VIP: variants seen among roughly 807,000 people sequenced by gnomAD.
The protein encoded by VIP is VIP peptides.
VIP carries 18 observed loss-of-function variants against 20.1 expected under a neutral mutation model. The observed-to-expected ratio is 0.90, with a 90% CI of 0.62 to 1.33. The LOEUF is 1.33. VIP is among the 40% of genes most tolerant of loss of function. VIP has a pLI of 0.00. For missense variants in VIP, 209 were observed against 199.4 expected (o/e 1.05, Z -0.29); for synonymous variants, 70 against 68.1 (o/e 1.03, Z -0.14).
intron 2 of VIP, among the ~76,000 whole-genome samples, chr6:152,753,075 G>T (rs2099729896): frequency 6.6e-6 from 1 of 152,036 alleles, no homozygotes; most frequent in Non-Finnish European, 1.5e-5. Flanking sequence ...GGTCATTCTT[G>T]ATTTTTTGCT....
In VIP at chr6:152,750,957, G is replaced by C. The variant is rs184206800; in HGVS notation, c.-13G>C. 8.7e-4 allele frequency: 133 copies of C among 152,252 alleles called. No homozygotes were observed. Among genetic ancestry groups the C allele is most frequent in the African/African-American group, 3.0e-3 (126 of 41,546 alleles). The allele number at this position is 152,252 out of a possible 1,614,324, so 9.4% of individuals were successfully genotyped here. ...CAGCTCCGGGGGAGCACGACTGGGCGAGGTAAGTGAAAACTTTACCTTTCC... is the reference window on the plus strand; with the variant it reads ...CAGCTCCGGGGGAGCACGACTGGGCCAGGTAAGTGAAAACTTTACCTTTCC... On this transcript the variant is annotated splice_region_variant and 5_prime_UTR_variant, in exon 1 of 7. Coordinates refer to ENST00000367244, the MANE Select transcript of VIP (RefSeq NM_003381.4).
chr6:152,756,190 C>G lies in VIP; in HGVS notation c.392C>G (p.Thr131Ser). Reference sequence around the variant, plus strand: ...AAACGTCACTCAGATGCAGTCTTCACTGACAACTATACCCGCCTTAGAAAA... The same window carrying G: ...AAACGTCACTCAGATGCAGTCTTCAGTGACAACTATACCCGCCTTAGAAAA... Reference protein sequence around the residue: ...PVKRHSDAVFTDNYTRLRKQM... With the variant: ...PVKRHSDAVFSDNYTRLRKQM... Residue 131 changes from threonine to serine, a missense_variant, in exon 5 of 7, where the codon ACT (threonine) becomes AGT (serine). Thr to Ser is a moderately conservative substitution (Grantham distance 58, BLOSUM62 1). Transcript: ENST00000367244. 1 of 1,611,830 alleles carries G rather than the reference C, an allele frequency of 6.2e-7. No homozygotes were observed. The highest frequency in any genetic ancestry group is 8.5e-7 in the Non-Finnish European group (1 of 1,178,528).
At chr6:152,757,291 T>C (rs1420547935) in intron 6 of VIP, 107 bp downstream of exon 6, 8 of 674,610 alleles carry the variant, frequency 1.2e-5, no homozygotes, top group Admixed American at 5.7e-5. Context: ...TAGTTTCTCA[T>C]CATGAGACCT....
intron 3 of VIP, among the ~76,000 whole-genome samples, chr6:152,754,896 T>C (rs2099730182): frequency 6.6e-6 from 1 of 151,966 alleles, no homozygotes; most frequent in Admixed American, 6.6e-5. Context: ...GTGAATGTCT[T>C]TATTCAGTGG....
rs778816122 is a variant in VIP at position 152,752,295 on chromosome 6, T to C, written c.107+11T>C. Reference sequence around the variant, plus strand: ...ACCTTCTGCTCTCAGGTAAGTTCCCTTTCAATTCAAACATCTGAACATTCC... The same window carrying C: ...ACCTTCTGCTCTCAGGTAAGTTCCCCTTCAATTCAAACATCTGAACATTCC... On this transcript the variant is annotated intron_variant, in intron 2 of 6. Coordinates refer to ENST00000367244, the MANE Select transcript of VIP (RefSeq NM_003381.4). The C allele has an allele frequency of 6.2e-7, 1 of 1,603,900 alleles. No homozygotes were observed.
intron 4 of VIP, among the ~76,000 whole-genome samples, chr6:152,755,699 C>G (rs1446458768): frequency 6.6e-6 from 1 of 151,712 alleles, no homozygotes; most frequent in Non-Finnish European, 1.5e-5. Flanking sequence ...TAAGGTCAAA[C>G]AGAATATTCT....
intron 2 of VIP, 123 bp from the exon 3 acceptor site, chr6:152,754,043 C>T: frequency 9.3e-7 from 1 of 1,075,526 alleles, no homozygotes; most frequent in South Asian, 2.1e-5. Flanking sequence ...TTATGCTATT[C>T]TCATATTATG....
At chr6:152,758,102 C>T (rs571928267) in intron 6 of VIP, among the ~76,000 whole-genome samples, 14 of 151,986 alleles carry the variant, frequency 9.2e-5, no homozygotes, top group Non-Finnish European at 1.6e-4. Context: ...AGATGTAAAA[C>T]GAATAGGAGT....
At chr6:152,756,961 C>A (rs2099730516) in intron 5 of VIP, 135 bp from the exon 6 acceptor site, 5 of 711,030 alleles carry the variant, frequency 7.0e-6, no homozygotes, top group Non-Finnish European at 9.0e-6. Context: ...ACTAACAAAC[C>A]TCAAAGATAA....
chr6:152,754,460 T>C (rs2099730105), intron 3 of VIP, among the ~76,000 whole-genome samples, 172 bp downstream of exon 3: 1 of 152,040 alleles, frequency 6.6e-6, no homozygotes, highest in South Asian at 2.1e-4. Context: ...CTTACAGCTG[T>C]ACATAATTTT....
chr6:152,757,981 G>T (rs912442359), intron 6 of VIP, among the ~76,000 whole-genome samples: 5 of 151,890 alleles, frequency 3.3e-5, no homozygotes, highest in African/African-American at 7.2e-5. Context: ...CATATCAAAG[G>T]TTAGCAGATT....
rs2099730817 is a variant in VIP at position 152,758,953 on chromosome 6, T to A, written c.*87T>A. ...ATACGCAACATAATTAAATTTTGAG[T>A]TCTACATAAGTAATTCAAGAAAACA... On this transcript the variant is annotated 3_prime_UTR_variant, in exon 7 of 7. Transcript: ENST00000367244. 1 of 152,418 alleles carries A rather than the reference T, an allele frequency of 6.6e-6. No homozygotes were observed. Among genetic ancestry groups the A allele is most frequent in the South Asian group, 2.1e-4 (1 of 4,826 alleles). 9.4% of individuals were successfully genotyped at this position (152,418 alleles called of 1,614,324 possible). A position where few individuals can be genotyped will look rare whatever the true frequency, so the allele number is the denominator to read the frequency against.
Position 152,752,283 on chromosome 6 carries a change from A to G in VIP, c.106A>G (p.Arg36Gly). The G allele has an allele frequency of 6.2e-7, 1 of 1,611,372 alleles. No homozygotes were observed. Among genetic ancestry groups the G allele is most frequent in the Non-Finnish European group, 8.5e-7 (1 of 1,178,572 alleles). The part of the protein sequence containing the change: ...WPLYRAPSAL[R>G]LGDRIPFEGA... ...TCTTTACAGGGCACCTTCTGCTCTC[A>G]GGTAAGTTCCCTTTCAATTCAAACA... The change falls in exon 2 of 7, where the codon AGG becomes GGG. Residue 36 changes from arginine to glycine, a missense_variant and splice_region_variant. Physicochemically the swap from Arg to Gly is moderately radical, Grantham distance 125. Coordinates refer to ENST00000367244, the MANE Select transcript of VIP (RefSeq NM_003381.4).
At position 152,752,033 on chromosome 6, in the gene VIP, T is replaced by G. The variant is rs1054692346; in HGVS notation, c.-10-135T>G. On this transcript the variant is annotated intron_variant, in intron 1 of 6. Coordinates refer to ENST00000367244, the MANE Select transcript of VIP (RefSeq NM_003381.4). ...ATTTTTGAATGTATCATCTTGCAAT[T>G]TAACTCTTTCTACAAGATGAAAATT... The G allele has an allele frequency of 1.9e-5, 11 of 585,736 alleles. 1 individual carries two copies. Among genetic ancestry groups the G allele is most frequent in the Non-Finnish European group, 3.0e-5 (10 of 331,610 alleles). 36.3% of individuals were successfully genotyped at this position (585,736 alleles called of 1,614,324 possible). A position where few individuals can be genotyped will look rare whatever the true frequency, so the allele number is the denominator to read the frequency against.
intron 3 of VIP, 100 bp downstream of exon 3, chr6:152,754,388 G>T: frequency 8.5e-7 from 1 of 1,170,360 alleles, no homozygotes; most frequent in Non-Finnish European, 1.2e-6. Flanking sequence ...AAGCTATTCC[G>T]ATAGCAAAAC....
At chr6:152,752,120 C>T (rs2129074095) in intron 1 of VIP, 48 bp from the exon 2 acceptor site, 2 of 1,378,542 alleles carry the variant, frequency 1.5e-6, no homozygotes, top group Non-Finnish European at 2.1e-6. Flanking sequence ...AATTACCTTG[C>T]TGGTGACATC....
intron 6 of VIP, among the ~76,000 whole-genome samples, chr6:152,758,387 C>CT (rs1353932886): frequency 9.2e-5 from 14 of 151,956 alleles, no homozygotes; most frequent in African/African-American, 3.4e-4. Context: ...CACATCAACT[C>CT]TTTATCTTTT....
chr6:152,754,439 T>A (rs577789624), intron 3 of VIP, 151 bp downstream of exon 3: 2 of 719,188 alleles, frequency 2.8e-6, no homozygotes, highest in South Asian at 2.6e-5. Context: ...TCATCCTGAT[T>A]TACTGCAGAT....
chr6:152,757,989 A>G (rs7762429), intron 6 of VIP, among the ~76,000 whole-genome samples: 4,239 of 152,056 alleles, frequency 0.028, 214 homozygotes, highest in African/African-American at 0.098. Context: ...AGGTTAGCAG[A>G]TTTTAAAGGG....
Sources: gnomAD v4.1 joint callset for allele counts (sites outside exome capture counted in the v4.1 genomes callset) on GRCh38, gnomAD v4.1.1 for gene constraint, MANE v1.5 for transcripts, NCBI Gene and HGNC (gene_info 2026-07-23, HGNC 2026-07-21) for gene names.